RIMBP2: variants seen among roughly 807,000 people sequenced by gnomAD.
RIMBP2 encodes the protein RIMS binding protein 2.
Under a neutral mutation model 118.6 loss-of-function variants are expected in RIMBP2, and 48 were observed. The observed-to-expected ratio is 0.40, with a 90% CI of 0.32 to 0.51. The LOEUF (loss-of-function observed/expected upper bound fraction) is 0.51. Ranked by LOEUF, RIMBP2 falls within the 20% of genes least tolerant of loss-of-function variation. The pLI is 0.41. For synonymous variants in RIMBP2, 762 were observed against 742.9 expected (o/e 1.03, Z -0.42); for missense variants, 1,551 against 1,768.3 (o/e 0.88, Z 2.20).
At chr12:130,656,540 C>G (rs557361428) in intron 1 of RIMBP2, among the ~76,000 whole-genome samples, 5 of 151,460 alleles carry the variant, frequency 3.3e-5, no homozygotes, top group Middle Eastern at 3.4e-3. Context: ...GCAGCCCCAG[C>G]AGGCCTGTTT....
chr12:130,687,262 T>C (rs932320756), intron 1 of RIMBP2, among the ~76,000 whole-genome samples: 2 of 152,208 alleles, frequency 1.3e-5, no homozygotes, highest in African/African-American at 4.8e-5. Flanking sequence ...AGTATCGCTG[T>C]CTATAAGCAG....
intron 4 of RIMBP2, among the ~76,000 whole-genome samples, chr12:130,495,503 C>T (rs537261378): frequency 6.6e-6 from 1 of 152,326 alleles, no homozygotes; most frequent in Non-Finnish European, 1.5e-5. Context: ...GGCTCATCAC[C>T]GTCTTCCTCC....
At position 130,456,482 on chromosome 12, in the gene RIMBP2, G is replaced by A. The variant is rs2079451219; in HGVS notation, c.358+14C>T. The A allele has an allele frequency of 6.4e-7, 1 of 1,565,718 alleles. No individual in the cohort carries two copies. Among genetic ancestry groups the A allele is most frequent in the Non-Finnish European group, 8.7e-7 (1 of 1,150,590 alleles). On this transcript the variant is annotated intron_variant, in intron 7 of 22. Coordinates refer to ENST00000690449, the MANE Select transcript of RIMBP2 (RefSeq NM_001393629.1). The stretch of plus-strand genomic sequence containing the variant: ...CTCCCCACCACAGCCAAGGCGGAAG[G>A]TCCAGGCGCTTACCTTTGCCGAGGG...
chr12:130,645,395 T>G (rs1372444012), intron 1 of RIMBP2, among the ~76,000 whole-genome samples: 1 of 152,246 alleles, frequency 6.6e-6, no homozygotes, highest in East Asian at 1.9e-4. Context: ...GAATTGAATT[T>G]TGTATGCTAC....
At position 130,446,760 on chromosome 12, in the gene RIMBP2, A is replaced by C. The variant is rs73446504; in HGVS notation, c.582-1491T>G. 1.5e-3 allele frequency among the ~76,000 whole-genome samples: 234 copies of C among 152,332 alleles called. 1 individual carries two copies. Among genetic ancestry groups the C allele is most frequent in the African/African-American group, 5.1e-3 (214 of 41,574 alleles). On this transcript the variant is annotated intron_variant, in intron 9 of 22. Coordinates refer to ENST00000690449, the MANE Select transcript of RIMBP2 (RefSeq NM_001393629.1). The surrounding 1 kb of genome is among the most constrained non-coding windows in gnomAD (Gnocchi z 4.1). ...TCTCACAAGCTGTGGGATGTCATGA[A>C]AGAGTTTTAAGCCAGGGAGCGACAG...
intron 13 of RIMBP2, among the ~76,000 whole-genome samples, chr12:130,436,522 A>G (rs570902134): frequency 1.3e-5 from 2 of 152,250 alleles, no homozygotes; most frequent in South Asian, 2.1e-4. Flanking sequence ...GGTCCTGGCC[A>G]ACTTCCACCG....
chr12:130,474,117 A>T (rs2081237891), intron 5 of RIMBP2, among the ~76,000 whole-genome samples: 1 of 152,152 alleles, frequency 6.6e-6, no homozygotes, highest in African/African-American at 2.4e-5. Context: ...GCGCAGCCGG[A>T]CCCCAGGCTG....
At chr12:130,481,937 A>G (rs745472708) in intron 4 of RIMBP2, among the ~76,000 whole-genome samples, 24 of 27,684 alleles carry the variant, frequency 8.7e-4, no homozygotes, top group Non-Finnish European at 2.5e-3. Flanking sequence ...CCAAGCCGCC[A>G]CCACCACCAC....
At chr12:130,409,075 T>C (rs2075449866) in intron 19 of RIMBP2, among the ~76,000 whole-genome samples, 1 of 152,208 alleles carries the variant, frequency 6.6e-6, no homozygotes, top group South Asian at 2.1e-4. Flanking sequence ...CAAGTATGAC[T>C]TTTGAAAGGT....
intron 1 of RIMBP2, among the ~76,000 whole-genome samples, chr12:130,706,439 A>C (rs1262719936): frequency 6.6e-6 from 1 of 152,270 alleles, no homozygotes; most frequent in African/African-American, 2.4e-5. Flanking sequence ...GGGGCCTGCC[A>C]GCCTGGCTCC....
rs137946325 is a variant in RIMBP2 at position 130,456,079 on chromosome 12, C to T, written c.358+417G>A. On this transcript the variant is annotated intron_variant, in intron 7 of 22. Transcript: ENST00000690449. ...TGAGATGAGAAGGAAGGAAAAACAA[C>T]GAACACAGAGAAATGAGCTTCACAG... 4.0e-3 allele frequency among the ~76,000 whole-genome samples: 606 copies of T among 152,324 alleles called. 5 individuals carry two copies. Among genetic ancestry groups the T allele is most frequent in the Middle Eastern group, 6.8e-3 (2 of 294 alleles).
chr12:130,478,017 G>T (rs572959014), intron 5 of RIMBP2, among the ~76,000 whole-genome samples: 504 of 152,198 alleles, frequency 3.3e-3, no homozygotes, highest in Non-Finnish European at 4.0e-3. Flanking sequence ...CTTCCTGGGG[G>T]CACCCCAAGC....
chr12:130,479,134 C>A (rs2081718464), intron 4 of RIMBP2, 118 bp from the exon 5 acceptor site: 14 of 683,696 alleles, frequency 2.0e-5, no homozygotes, highest in Admixed American at 3.5e-5. Context: ...CAGCCCCTCA[C>A]CGCCCCACAG....
At position 130,579,548 on chromosome 12, in the gene RIMBP2, A is replaced by G. The variant is rs556893908; in HGVS notation, c.-217+48774T>C. Among the ~76,000 whole-genome samples, 7 of 152,184 alleles carry G rather than the reference A, an allele frequency of 4.6e-5. No individual in the cohort carries two copies. In the East Asian group the frequency reaches 1.4e-3, roughly 29 times the overall value. On this transcript the variant is annotated intron_variant, in intron 2 of 22. Coordinates refer to ENST00000690449, the MANE Select transcript of RIMBP2 (RefSeq NM_001393629.1). ...GCTGGTTTTGCTGGTTTGCTTGAAT[A>G]CTTTTGCCAGAGTAAAACCCTCATA...
intron 1 of RIMBP2, among the ~76,000 whole-genome samples, chr12:130,646,399 CTGCCTCTCCACCTCCCTCACCACT>C (rs1566423398): frequency 1.6e-5 from 2 of 125,898 alleles, no homozygotes; most frequent in African/African-American, 3.1e-5. Flanking sequence ...CCCTCACCAC[CTGCCTCTCCACCTCCCTCACCACT>C]TCCCTCTCCA....
chr12:130,405,842 G>A (rs533140612), intron 21 of RIMBP2, among the ~76,000 whole-genome samples: 4 of 152,230 alleles, frequency 2.6e-5, no homozygotes, highest in Admixed American at 2.6e-4. Context: ...ATACAGTTAA[G>A]TAATCTAGAA....
rs528426742 is a variant in RIMBP2, at chr12:130,434,159, G to A, written c.2253+575C>T. On this transcript the variant is annotated intron_variant, in intron 14 of 22. Coordinates refer to ENST00000690449, the MANE Select transcript of RIMBP2 (RefSeq NM_001393629.1). This position sits in a 1 kb window ranked among gnomAD's most constrained non-coding sequence, Gnocchi z 5.7. ...ACTATTTAGCATTCCCCAGGCCCTC[G>A]GTTATTTCCAGTCCCTCCTGTTGTC... 3.9e-5 allele frequency among the ~76,000 whole-genome samples: 6 copies of A among 152,258 alleles called. No individual in the cohort carries two copies. Among genetic ancestry groups the A allele is most frequent in the East Asian group, 1.9e-4 (1 of 5,174 alleles).
chr12:130,429,727 G>A (rs2077036991), intron 14 of RIMBP2: 1 of 152,158 alleles, frequency 6.6e-6, no homozygotes, highest in African/African-American at 2.4e-5. Flanking sequence ...GGCCTGCTGA[G>A]GGAAGCTGCG....
In RIMBP2 at chr12:130,622,829, T is replaced by TTC. The variant is rs1001843218; in HGVS notation, c.-217+5491_-217+5492dup. Among the ~76,000 whole-genome samples, 6 of 152,154 alleles carry TTC rather than the reference T, an allele frequency of 3.9e-5. No homozygotes were observed. The highest frequency in any genetic ancestry group is 1.4e-4 in the African/African-American group (6 of 41,422). ...CCACAAAAGGCATAGAAGACAAAAT[T>TTC]TCTCTCTCTCTGACCCTGCTCAATG... On this transcript the variant is annotated intron_variant, in intron 2 of 22. Transcript: ENST00000690449. The surrounding 1 kb of genome is among the most constrained non-coding windows in gnomAD (Gnocchi z 8.5).
Sources: gnomAD v4.1 joint callset for allele counts (sites outside exome capture counted in the v4.1 genomes callset) on GRCh38, gnomAD v4.1.1 for gene constraint, Gnocchi (gnomAD v3.1) non-coding constraint, MANE v1.5 for transcripts, NCBI Gene and HGNC (gene_info 2026-07-23, HGNC 2026-07-21) for gene names.